The following INIP variants were observed in gnomAD, a reference collection of about 807,000 sequenced individuals.
The protein encoded by INIP is SOSS complex subunit C.
In INIP, 9 loss-of-function variants were observed where a neutral mutation model predicts 14.0. The observed-to-expected ratio is 0.64, with a 90% CI of 0.39 to 1.12. The LOEUF (loss-of-function observed/expected upper bound fraction) is 1.12, where lower values mean the gene tolerates loss of function less well. INIP is among the 50% of genes most tolerant of loss of function. The pLI is 0.01. For synonymous variants in INIP, 37 were observed against 41.5 expected (o/e 0.89, Z 0.41); for missense variants, 78 against 122.7 (o/e 0.64, Z 1.72).
chr9:112,704,849 C>T (rs1838407950), intron 2 of INIP, among the ~76,000 whole-genome samples: 3 of 151,972 alleles, frequency 2.0e-5, no homozygotes, highest in Admixed American at 2.0e-4. Context: ...GTGGTTCATG[C>T]CTATAATCCC....
Position 112,684,551 on chromosome 9 carries a change from T to C in INIP, c.*2987A>G, listed in dbSNP as rs964897733. ...CAGCCTGGATGACAGAGCAGGACTGTCTCTTAAAAAACCAACACAATACAA... is the reference window on the plus strand; with the variant it reads ...CAGCCTGGATGACAGAGCAGGACTGCCTCTTAAAAAACCAACACAATACAA... On this transcript the variant is annotated 3_prime_UTR_variant, in exon 5 of 5. Transcript: ENST00000374242. 6.6e-6 allele frequency: 1 copy of C among 152,106 alleles called. No homozygotes were observed. The allele number at this position is 152,106 out of a possible 1,614,324, so 9.4% of individuals were successfully genotyped here. A position where few individuals can be genotyped will look rare whatever the true frequency, so the allele number is the denominator to read the frequency against.
At position 112,709,017 on chromosome 9, in the gene INIP, A is replaced by T. The variant is rs150188046; in HGVS notation, c.25+7444T>A. On this transcript the variant is annotated intron_variant, in intron 2 of 4. Transcript: ENST00000374242. ...TTTACCAAAAATACGTAACAAAGAAAAGGAATCAAGCCCTAATGTCTGCTC... is the reference window on the plus strand; with the variant it reads ...TTTACCAAAAATACGTAACAAAGAATAGGAATCAAGCCCTAATGTCTGCTC... Among the ~76,000 whole-genome samples the T allele has an allele frequency of 2.4e-3, 372 of 152,208 alleles. 5 individuals are homozygous for T. Among genetic ancestry groups the T allele is most frequent in the African/African-American group, 8.6e-3 (358 of 41,524 alleles).
At chr9:112,717,819 G>T (rs1166480474) in intron 1 of INIP, among the ~76,000 whole-genome samples, 168 bp downstream of exon 1, 1 of 152,184 alleles carries the variant, frequency 6.6e-6, no homozygotes, top group African/African-American at 2.4e-5. Context: ...TGCAGAGCCG[G>T]CTGGGCCCGG....
At chr9:112,698,679 A>G (rs942424524) in intron 2 of INIP, among the ~76,000 whole-genome samples, 11 of 152,182 alleles carry the variant, frequency 7.2e-5, no homozygotes, top group African/African-American at 2.4e-4. Context: ...CCCCACTGCC[A>G]TTTGGTGTGC....
Position 112,713,579 on chromosome 9 carries a change from C to G in INIP, c.25+2882G>C, listed in dbSNP as rs114939665. Reference sequence around the variant, plus strand: ...ATGGTGATGCATGCATGCAGTCCCACCACTTTGGAAGGTAGAGGTGGGAGG... The same window carrying G: ...ATGGTGATGCATGCATGCAGTCCCAGCACTTTGGAAGGTAGAGGTGGGAGG... On this transcript the variant is annotated intron_variant, in intron 2 of 4. Transcript: ENST00000374242. Among the ~76,000 whole-genome samples, 1,316 of 152,064 alleles carry G rather than the reference C, an allele frequency of 8.7e-3. 31 individuals carry two copies. The highest frequency in any genetic ancestry group is 0.03 in the African/African-American group (1,251 of 41,472).
intron 2 of INIP, among the ~76,000 whole-genome samples, chr9:112,708,751 C>T (rs140956025): frequency 1.8e-3 from 267 of 151,918 alleles, no homozygotes; most frequent in Non-Finnish European, 2.9e-3. Context: ...GGCTAGAGTG[C>T]GGTGGTATGA....
At position 112,687,642 on chromosome 9, in the gene INIP, GATTAA is replaced by G. The variant is rs758069479; in HGVS notation, c.220-14_220-10del. 1.3e-6 allele frequency: 2 copies of G among 1,492,144 alleles called. No homozygotes were observed. The highest frequency in any genetic ancestry group is 2.7e-5 in the African/African-American group (2 of 72,816). 92.4% of individuals were successfully genotyped at this position (1,492,144 alleles called of 1,614,324 possible). On this transcript the variant is annotated splice_polypyrimidine_tract_variant and intron_variant, in intron 4 of 4. Coordinates refer to ENST00000374242, the MANE Select transcript of INIP (RefSeq NM_021218.3). Reference sequence around the variant, plus strand: ...GAATGTGCATGAGCATGCTGGGAAAGATTAAAAACAAAAAGGCAATTAAGCTATTA... The same window carrying G: ...GAATGTGCATGAGCATGCTGGGAAAGAAACAAAAAGGCAATTAAGCTATTA...
At chr9:112,713,817 C>G (rs981127765) in intron 2 of INIP, among the ~76,000 whole-genome samples, 1 of 151,962 alleles carries the variant, frequency 6.6e-6, no homozygotes, top group Non-Finnish European at 1.5e-5. Flanking sequence ...ATGGTGAAAC[C>G]CCGTTTCTAC....
At chr9:112,696,648 G>T (rs79875196) in intron 2 of INIP, among the ~76,000 whole-genome samples, 5,058 of 152,304 alleles carry the variant, frequency 0.033, 174 homozygotes, top group East Asian at 0.14. Flanking sequence ...CAAGTAGGCA[G>T]TAGGTTGTCA....
Position 112,694,189 on chromosome 9 carries a change from T to C in INIP, c.70A>G (p.Lys24Glu). The change falls in exon 3 of 5, where the codon AAA becomes GAA. Residue 24 changes from lysine (K) to glutamate (E), a missense_variant. Coordinates refer to ENST00000374242, the MANE Select transcript of INIP (RefSeq NM_021218.3). ...NRVAILAELDKEKRKLLMQNQ... is the reference protein window; with the variant it reads ...NRVAILAELDEEKRKLLMQNQ... ...TGCATAAGTAGTTTTCTTTTCTCTT[T>C]GTCCAGTTCTGCCAAGATTGCAACT... 1 of 1,612,282 alleles carries C rather than the reference T, an allele frequency of 6.2e-7. No individual in the cohort carries two copies.
intron 3 of INIP, among the ~76,000 whole-genome samples, chr9:112,691,309 G>C (rs916578629): frequency 1.3e-5 from 2 of 152,332 alleles, no homozygotes; most frequent in South Asian, 4.1e-4. Flanking sequence ...TTCTGACTTT[G>C]TAACTAGTAG....
chr9:112,705,038 G>C lies in INIP; in HGVS notation c.26-10805C>G, dbSNP rs1404139749. 3.4e-5 allele frequency among the ~76,000 whole-genome samples: 5 copies of C among 147,828 alleles called. No homozygotes were observed. The East Asian group carries it at 1.0e-3, about 29-fold the overall frequency. ...AGGCAGGAGGATGGCTTGAACCTGG[G>C]AGGTCAAAGCTGCAGTGAGCCATGA... On this transcript the variant is annotated intron_variant, in intron 2 of 4. Coordinates refer to ENST00000374242, the MANE Select transcript of INIP (RefSeq NM_021218.3).
intron 4 of INIP, 149 bp from the exon 5 acceptor site, chr9:112,687,782 A>T (rs545451035): frequency 9.8e-6 from 5 of 507,844 alleles, no homozygotes; most frequent in Admixed American, 6.8e-5. Context: ...CTGAGATGGA[A>T]TTTATTTTAA....
At chr9:112,693,102 C>T (rs1588074158) in intron 3 of INIP, among the ~76,000 whole-genome samples, 1 of 150,286 alleles carries the variant, frequency 6.7e-6, no homozygotes. Context: ...AGAATGTTTA[C>T]AATTTAATCA....
chr9:112,693,348 G>A (rs1715765655), intron 3 of INIP, among the ~76,000 whole-genome samples: 1 of 152,282 alleles, frequency 6.6e-6, no homozygotes, highest in Admixed American at 6.5e-5. Flanking sequence ...CTCTACTGGA[G>A]ACAACTCTAG....
chr9:112,690,320 A>C (rs1042497361), intron 3 of INIP, among the ~76,000 whole-genome samples: 1 of 152,032 alleles, frequency 6.6e-6, no homozygotes, highest in Non-Finnish European at 1.5e-5. Context: ...GTGAGACCCC[A>C]TCTCTACAAA....
chr9:112,707,014 C>T (rs572554612), intron 2 of INIP, among the ~76,000 whole-genome samples: 8 of 152,220 alleles, frequency 5.3e-5, no homozygotes, highest in East Asian at 1.9e-4. Flanking sequence ...CAGGTTCAAG[C>T]GATTCTCCTG....
chr9:112,698,091 T>A (rs2131294816), intron 2 of INIP, among the ~76,000 whole-genome samples: 1 of 151,862 alleles, frequency 6.6e-6, no homozygotes, highest in East Asian at 1.9e-4. Context: ...GCTCATGAGG[T>A]CAGGAGATTG....
chr9:112,710,389 A>T (rs1452680365), intron 2 of INIP, among the ~76,000 whole-genome samples: 1 of 152,224 alleles, frequency 6.6e-6, no homozygotes, highest in Non-Finnish European at 1.5e-5. Context: ...GGTCTCTCTA[A>T]AATCAGGCTG....
Sources: allele counts gnomAD v4.1 joint callset (sites outside exome capture counted in the v4.1 genomes callset), GRCh38; gene constraint gnomAD v4.1.1; transcripts MANE v1.5; gene names NCBI Gene and HGNC (gene_info 2026-07-23, HGNC 2026-07-21).